The following ALPK2 variants were observed in gnomAD, a reference collection of about 807,000 sequenced individuals.
ALPK2 encodes alpha kinase 2, also known as alpha-protein kinase 2.
ALPK2 carries 127 observed loss-of-function variants against 163.1 expected under a neutral mutation model. That is an observed-to-expected ratio of 0.78 (90% CI 0.67 to 0.90). ALPK2 has a LOEUF of 0.90. Among genes scored for constraint, ALPK2 ranks in the 40% least tolerant of loss-of-function variants. The pLI, the probability that ALPK2 is intolerant of heterozygous loss-of-function variation, is 0.00. For missense variants in ALPK2, 2,360 were observed against 2,589.6 expected (o/e 0.91, Z 1.92); for synonymous variants, 953 against 959.1 (o/e 0.99, Z 0.12).
At chr18:58,571,666 T>A (rs1424959770) in intron 4 of ALPK2, among the ~76,000 whole-genome samples, 4 of 152,092 alleles carry the variant, frequency 2.6e-5, no homozygotes. Flanking sequence ...AAAGTTTTGC[T>A]TTGTGAGAGC....
At chr18:58,534,578 T>A (rs1183526922) in intron 5 of ALPK2, among the ~76,000 whole-genome samples, 3 of 152,202 alleles carry the variant, frequency 2.0e-5, no homozygotes, top group Non-Finnish European at 2.9e-5. Context: ...TCAATCGTGG[T>A]TCTCCCGATA....
chr18:58,549,567 G>A (rs1257893555), intron 4 of ALPK2, among the ~76,000 whole-genome samples: 1 of 152,200 alleles, frequency 6.6e-6, no homozygotes, highest in Non-Finnish European at 1.5e-5. Context: ...GCTGATATTT[G>A]TGCATATGGT....
Position 58,580,257 on chromosome 18 carries a change from G to A in ALPK2, c.519C>T (p.Ser173=), listed in dbSNP as rs1204865753. 11 of 1,614,206 alleles carry A rather than the reference G, an allele frequency of 6.8e-6. No homozygotes were observed. In the South Asian group the frequency reaches 8.8e-5, roughly 13 times the overall value. Residue 173 remains serine (S), a synonymous_variant, in exon 4 of 13, where the codon TCC becomes TCT. Coordinates refer to ENST00000361673, the MANE Select transcript of ALPK2 (RefSeq NM_052947.4). ...SSPSKSNHSL[S]LQSLGNLDIS... is the part of the protein sequence containing the mutation. ...TGTCAAGATTGCCCAATGACTGGAG[G>A]GAGAGTGAATGGTTGGATTTGGAGG... is the stretch of plus-strand genomic sequence containing the variant.
At chr18:58,483,407 A>G (rs1602179284) in intron 12 of ALPK2, among the ~76,000 whole-genome samples, 1 of 151,698 alleles carries the variant, frequency 6.6e-6, no homozygotes, top group Non-Finnish European at 1.5e-5. Flanking sequence ...GCATCTCCCA[A>G]CCCATTGACC....
At chr18:58,505,707 G>A (rs1215990061) in intron 10 of ALPK2, among the ~76,000 whole-genome samples, 1 of 152,110 alleles carries the variant, frequency 6.6e-6, no homozygotes, top group Non-Finnish European at 1.5e-5. Flanking sequence ...TAGACTCGCT[G>A]TCTCCAGTAC....
In ALPK2 at chr18:58,537,052, A is replaced by C. The variant is rs749704994; in HGVS notation, c.3135T>G (p.His1045Gln). Residue 1045 changes from histidine (H) to glutamine (Q), a missense_variant, in exon 5 of 13, where the codon CAT (histidine) becomes CAG (glutamine). His to Gln is a conservative substitution (Grantham distance 24). Coordinates refer to ENST00000361673, the MANE Select transcript of ALPK2 (RefSeq NM_052947.4). Reference sequence around the variant, plus strand: ...GGGAAGGAAATTGGGAAACCTTTTCATGGGATGCACGAGGGAACCTCTCCT... The same window carrying C: ...GGGAAGGAAATTGGGAAACCTTTTCCTGGGATGCACGAGGGAACCTCTCCT... ...GTEERFPRAS[H>Q]EKVSQFPSQV... 6.2e-7 allele frequency: 1 copy of C among 1,613,946 alleles called. No homozygotes were observed. Among genetic ancestry groups the C allele is most frequent in the South Asian group, 1.1e-5 (1 of 91,086 alleles).
rs6566987 is a variant in ALPK2, at chr18:58,611,793, T to G, written c.5A>C (p.Lys2Thr). 0.82 allele frequency: 1,293,827 copies of G among 1,574,624 alleles called. 534,927 individuals carry two copies. Among genetic ancestry groups the G allele is most frequent in the East Asian group, 1 (44,472 of 44,486 alleles). Residue 2 changes from lysine to threonine, a missense_variant, in exon 2 of 13, where the codon AAA (lysine) becomes ACA (threonine). Coordinates refer to ENST00000361673, the MANE Select transcript of ALPK2 (RefSeq NM_052947.4). MKDSEGPQRPPL... is the reference protein window; with the variant it reads MTDSEGPQRPPL... ...GGGCCTCTGGGGCCCTTCGGAGTCTTTCATCCTTTCATGCCGCACCAAATC... is the reference window on the plus strand; with the variant it reads ...GGGCCTCTGGGGCCCTTCGGAGTCTGTCATCCTTTCATGCCGCACCAAATC...
intron 4 of ALPK2, among the ~76,000 whole-genome samples, chr18:58,554,132 T>C (rs1407786115): frequency 6.6e-6 from 1 of 152,152 alleles, no homozygotes; most frequent in Non-Finnish European, 1.5e-5. Flanking sequence ...AATGCTGGGA[T>C]TACAGGCATG....
chr18:58,572,719 G>A (rs1602223947), intron 4 of ALPK2, among the ~76,000 whole-genome samples: 1 of 152,152 alleles, frequency 6.6e-6, no homozygotes, highest in South Asian at 2.1e-4. Flanking sequence ...AAAGGGAGAG[G>A]GCAGGAAGGA....
intron 1 of ALPK2, among the ~76,000 whole-genome samples, chr18:58,622,379 CCT>C (rs988304687): frequency 5.9e-5 from 9 of 151,976 alleles, no homozygotes; most frequent in African/African-American, 2.2e-4. Context: ...ATAAATAAAA[CCT>C]GTGTGAGAGT....
chr18:58,524,367 A>G (rs1390517096), intron 6 of ALPK2, among the ~76,000 whole-genome samples: 1 of 152,222 alleles, frequency 6.6e-6, no homozygotes, highest in Non-Finnish European at 1.5e-5. Flanking sequence ...AATTCAGCTC[A>G]ATTATGTGAC....
intron 4 of ALPK2, among the ~76,000 whole-genome samples, chr18:58,576,268 G>C (rs1162255254): frequency 6.6e-6 from 1 of 152,152 alleles, no homozygotes; most frequent in African/African-American, 2.4e-5. Context: ...CAGCTACTCA[G>C]GAGGCTGAGG....
chr18:58,535,455 G>A lies in ALPK2; in HGVS notation c.4732C>T (p.Arg1578Cys), dbSNP rs780512023. The change falls in exon 5 of 13, where the codon CGT becomes TGT. Residue 1578 changes from arginine (R) to cysteine (C), a missense_variant. By Grantham distance (180) the Arg-to-Cys change is radical (BLOSUM62 -3). Transcript: ENST00000361673. The part of the protein sequence containing the change: ...PENDIVEPRK[R>C]QYVFPVSQKR... Reference sequence around the variant, plus strand: ...TGTGAAACAGGAAACACATACTGACGCTTTCTGGGCTCAACTATGTCATTT... The same window carrying A: ...TGTGAAACAGGAAACACATACTGACACTTTCTGGGCTCAACTATGTCATTT... 13 of 1,614,050 alleles carry A rather than the reference G, an allele frequency of 8.1e-6. No individual in the cohort carries two copies. The highest frequency in any genetic ancestry group is 2.2e-5 in the East Asian group (1 of 44,904).
chr18:58,551,394 A>C (rs2051759388), intron 4 of ALPK2, among the ~76,000 whole-genome samples: 1 of 152,076 alleles, frequency 6.6e-6, no homozygotes, highest in Non-Finnish European at 1.5e-5. Flanking sequence ...CTCCGTCTTC[A>C]TGTGGCCATC....
At chr18:58,626,715 T>TA (rs1216516064) in intron 1 of ALPK2, among the ~76,000 whole-genome samples, 1 of 152,326 alleles carries the variant, frequency 6.6e-6, no homozygotes, top group East Asian at 1.9e-4. Flanking sequence ...TTATTTATCA[T>TA]AGATACATTC....
At position 58,481,858 on chromosome 18, in the gene ALPK2, C is replaced by T. The variant is rs2083937108; in HGVS notation, c.6478G>A (p.Ala2160Thr). 1.2e-6 allele frequency: 2 copies of T among 1,614,186 alleles called. No homozygotes were observed. Among genetic ancestry groups the T allele is most frequent in the Non-Finnish European group, 1.7e-6 (2 of 1,180,040 alleles). The change falls in exon 13 of 13, where the codon GCA becomes ACA. Residue 2160 changes from alanine to threonine, a missense_variant. Transcript: ENST00000361673. ...VQTNSMTIKK[A>T]GPETPGEKKT Reference sequence around the variant, plus strand: ...TTTTCGCCTGGGGTCTCAGGCCCTGCCTTCTTTATTGTCATAGAGTTTGTT... The same window carrying T: ...TTTTCGCCTGGGGTCTCAGGCCCTGTCTTCTTTATTGTCATAGAGTTTGTT...
At chr18:58,509,626 G>C (rs1252045411) in intron 10 of ALPK2, among the ~76,000 whole-genome samples, 4 of 151,930 alleles carry the variant, frequency 2.6e-5, no homozygotes, top group African/African-American at 9.6e-5. Flanking sequence ...GCATTTCCCT[G>C]ATGGCCAGTG....
At chr18:58,498,449 C>T (rs7231807) in intron 11 of ALPK2, among the ~76,000 whole-genome samples, 7,348 of 152,268 alleles carry the variant, frequency 0.048, 240 homozygotes, top group Non-Finnish European at 0.072. Context: ...CCCAGAAATA[C>T]GGTGACTTTG....
intron 1 of ALPK2, among the ~76,000 whole-genome samples, chr18:58,622,202 C>T (rs904326526): frequency 3.9e-5 from 6 of 151,988 alleles, no homozygotes; most frequent in African/African-American, 1.5e-4. Flanking sequence ...CAAAAATTAG[C>T]CGGGTGTGGT....
Sources: gnomAD v4.1 joint callset for allele counts (sites outside exome capture counted in the v4.1 genomes callset) on GRCh38, gnomAD v4.1.1 for gene constraint, MANE v1.5 for transcripts, NCBI Gene and HGNC (gene_info 2026-07-23, HGNC 2026-07-21) for gene names.